SLC8A1: variants seen among roughly 807,000 people sequenced by gnomAD.
The protein encoded by SLC8A1 is sodium/calcium exchanger 1.
In SLC8A1, 18 loss-of-function variants were observed where a neutral mutation model predicts 68.3. The ratio of observed to expected loss-of-function variants is 0.26; its 90% confidence interval spans 0.18 to 0.39. SLC8A1 has a LOEUF of 0.39. SLC8A1 is among the 10% of genes least tolerant of loss of function. The pLI, the probability that SLC8A1 is intolerant of heterozygous loss-of-function variation, is 1.00. For synonymous variants in SLC8A1, 475 were observed against 415.5 expected, an observed-to-expected ratio of 1.14 and a Z score of -1.74; for missense variants, 985 against 1,156.7, an observed-to-expected ratio of 0.85 and a Z score of 2.15.
intron 1 of SLC8A1, among the ~76,000 whole-genome samples, chr2:40,480,599 G>C (rs547525682): frequency 2.0e-5 from 3 of 152,136 alleles, no homozygotes; most frequent in Admixed American, 1.3e-4. Context: ...AATGGACTAA[G>C]ACACTGCCCT....
At chr2:40,120,722 A>T (rs1406196530) in intron 7 of SLC8A1, 1 of 152,256 alleles carries the variant, frequency 6.6e-6, no homozygotes, top group African/African-American at 2.4e-5. Context: ...CAAGACCTGA[A>T]GATACTACCT....
upstream of SLC8A1, among the ~76,000 whole-genome samples, chr2:40,452,476 C>G (rs76506686): frequency 0.017 from 2,567 of 152,266 alleles, 69 homozygotes; most frequent in African/African-American, 0.058. Context: ...CGATGACACG[C>G]GCACACAGGC....
intron 2 of SLC8A1, among the ~76,000 whole-genome samples, chr2:40,390,317 T>TA (rs1276211089): frequency 2.0e-5 from 3 of 152,078 alleles, no homozygotes; most frequent in Non-Finnish European, 4.4e-5. Flanking sequence ...ACTTTTTTTT[T>TA]AACTTTCAAT....
intron 6 of SLC8A1, among the ~76,000 whole-genome samples, chr2:40,158,354 G>A (rs774516729): frequency 3.9e-5 from 6 of 152,226 alleles, no homozygotes; most frequent in South Asian, 2.1e-4. Flanking sequence ...ATGTAATTGC[G>A]TATAATTTGG....
At chr2:40,331,841 C>T (rs922916165) in intron 2 of SLC8A1, among the ~76,000 whole-genome samples, 2 of 152,148 alleles carry the variant, frequency 1.3e-5, no homozygotes, top group African/African-American at 4.8e-5. Flanking sequence ...GATCCATCAG[C>T]CTTGGCCTCC....
chr2:40,461,722 T>A (rs543811066), intron 1 of SLC8A1, among the ~76,000 whole-genome samples: 1 of 152,344 alleles, frequency 6.6e-6, no homozygotes, highest in African/African-American at 2.4e-5. Flanking sequence ...TTTTTGTCTT[T>A]TGATCATATA....
chr2:40,489,746 G>A (rs1348852008), intron 1 of SLC8A1, among the ~76,000 whole-genome samples: 1 of 151,990 alleles, frequency 6.6e-6, no homozygotes, highest in African/African-American at 2.4e-5. Context: ...GCTCCATCGA[G>A]AACCATTAAG....
chr2:40,270,472 T>G (rs1199034005), intron 2 of SLC8A1, among the ~76,000 whole-genome samples: 3 of 152,250 alleles, frequency 2.0e-5, no homozygotes, highest in Non-Finnish European at 2.9e-5. Context: ...TCCTTGCCTT[T>G]TCCACCTTCT....
chr2:40,272,147 C>A (rs909863742), intron 2 of SLC8A1, among the ~76,000 whole-genome samples: 1 of 152,176 alleles, frequency 6.6e-6, no homozygotes, highest in African/African-American at 2.4e-5. Context: ...GAGATTACAA[C>A]ATGAGCCACT....
Position 40,238,845 on chromosome 2 carries a change from G to A in SLC8A1, c.1809-60990C>T, listed in dbSNP as rs559025448. Among the ~76,000 whole-genome samples, 8 of 152,138 alleles carry A rather than the reference G, an allele frequency of 5.3e-5. No individual in the cohort carries two copies. The South Asian group carries it at 1.2e-3, about 24-fold the overall frequency. On this transcript the variant is annotated intron_variant, in intron 2 of 7. Coordinates refer to ENST00000406785, the Ensembl canonical transcript of SLC8A1. Reference sequence around the variant, plus strand: ...TTATATATAGAAGCCATTTTCTCCTGAAAGTAACAATGTAGGTACTTTGAT... The same window carrying A: ...TTATATATAGAAGCCATTTTCTCCTAAAAGTAACAATGTAGGTACTTTGAT...
Position 40,281,991 on chromosome 2 carries a change from A to AT in SLC8A1, c.1809-104137dup, listed in dbSNP as rs2067597721. 2.6e-5 allele frequency among the ~76,000 whole-genome samples: 4 copies of AT among 152,256 alleles called. No individual in the cohort carries two copies. In the South Asian group the frequency reaches 8.3e-4, roughly 32 times the overall value. ...AGTCTGTTTATTCTTCTAGAAAAGTATAACAGTGGATTAGCTACTGGCTTC... is the reference window on the plus strand; with the variant it reads ...AGTCTGTTTATTCTTCTAGAAAAGTATTAACAGTGGATTAGCTACTGGCTTC... On this transcript the variant is annotated intron_variant, in intron 2 of 7. Coordinates refer to ENST00000406785, the Ensembl canonical transcript of SLC8A1.
intron 2 of SLC8A1, among the ~76,000 whole-genome samples, chr2:40,196,931 C>T (rs139230984): frequency 8.4e-4 from 127 of 152,054 alleles, no homozygotes; most frequent in African/African-American, 2.8e-3. Flanking sequence ...GGTAAAAGTC[C>T]ATTTATTATC....
intron 2 of SLC8A1, among the ~76,000 whole-genome samples, chr2:40,262,060 T>TC (rs1386752308): frequency 1.3e-5 from 2 of 151,896 alleles, no homozygotes; most frequent in Admixed American, 6.6e-5. Flanking sequence ...CCTCCTGGGT[T>TC]CAAGCAATTC....
In SLC8A1 at chr2:40,179,936, C is replaced by T. The variant is rs568642543; in HGVS notation, c.1809-2081G>A. ...AATGATTGGTTCTGGTTCCCTGAAA[C>T]CCAATAACGTACTCTCTGTTCCTCA... On this transcript the variant is annotated intron_variant, in intron 2 of 7. Coordinates refer to ENST00000406785, the Ensembl canonical transcript of SLC8A1. Among the ~76,000 whole-genome samples, 4 of 152,134 alleles carry T rather than the reference C, an allele frequency of 2.6e-5. No homozygotes were observed. The South Asian group carries it at 6.2e-4, about 24-fold the overall frequency.
At chr2:40,168,744 T>G (rs1175437886) in intron 4 of SLC8A1, among the ~76,000 whole-genome samples, 1 of 152,228 alleles carries the variant, frequency 6.6e-6, no homozygotes, top group Non-Finnish European at 1.5e-5. Context: ...ATTTCTTTAC[T>G]TCTGCAGAGT....
intron 2 of SLC8A1, among the ~76,000 whole-genome samples, chr2:40,344,988 G>C (rs986140222): frequency 6.7e-6 from 1 of 150,172 alleles, no homozygotes; most frequent in East Asian, 2.0e-4. Flanking sequence ...ATCATCTTCC[G>C]TATTTTGTTT....
intron 2 of SLC8A1, among the ~76,000 whole-genome samples, chr2:40,255,616 T>G (rs1422148739): frequency 1.3e-5 from 2 of 152,124 alleles, no homozygotes; most frequent in Non-Finnish European, 2.9e-5. Context: ...CTTATTTGTA[T>G]AGTGAAGGCC....
intron 2 of SLC8A1, among the ~76,000 whole-genome samples, chr2:40,352,931 G>A (rs983235577): frequency 2.6e-5 from 4 of 152,036 alleles, no homozygotes; most frequent in South Asian, 2.1e-4. Context: ...ATACATCTAC[G>A]AGAAACCAGG....
chr2:40,208,668 A>C (rs1206471854), intron 2 of SLC8A1, among the ~76,000 whole-genome samples: 3 of 152,160 alleles, frequency 2.0e-5, no homozygotes, highest in Non-Finnish European at 4.4e-5. Context: ...ATAAACAGGA[A>C]AGAGTTGCCA....
Sources: gnomAD v4.1 joint callset for allele counts (sites outside exome capture counted in the v4.1 genomes callset) on GRCh38, gnomAD v4.1.1 for gene constraint, MANE v1.5 for transcripts, NCBI Gene and HGNC (gene_info 2026-07-23, HGNC 2026-07-21) for gene names.